The following RAD54L2 variants were observed in gnomAD, a reference collection of about 807,000 sequenced individuals.
RAD54L2 encodes helicase ARIP4.
RAD54L2 carries 27 observed loss-of-function variants against 138.4 expected under a neutral mutation model. That is an observed-to-expected ratio of 0.20 (90% confidence interval 0.14 to 0.27). RAD54L2 has a LOEUF of 0.27. Among genes scored for constraint, RAD54L2 ranks in the 10% least tolerant of loss-of-function variants. The pLI, the probability that RAD54L2 is intolerant of heterozygous loss-of-function variation, is 1.00. For missense variants in RAD54L2, 1,396 were observed against 1,890.2 expected (o/e 0.74, Z 4.85); for synonymous variants, 644 against 723.2 (o/e 0.89, Z 1.76).
At chr3:51,608,876 C>T (rs1001289859) in intron 3 of RAD54L2, among the ~76,000 whole-genome samples, 3 of 152,020 alleles carry the variant, frequency 2.0e-5, no homozygotes, top group African/African-American at 4.8e-5. Context: ...GAGGGAGGGG[C>T]AGGGGGAGGG....
chr3:51,639,798 G>C (rs1041389071), intron 13 of RAD54L2, 83 bp from the exon 14 acceptor site: 3 of 1,486,372 alleles, frequency 2.0e-6, no homozygotes, highest in Admixed American at 2.0e-5. Context: ...TGGCCAGTGA[G>C]CTGCTGCCTT....
chr3:51,579,162 T>A (rs1436033979), intron 2 of RAD54L2, among the ~76,000 whole-genome samples: 4 of 134,404 alleles, frequency 3.0e-5, no homozygotes, highest in Non-Finnish European at 6.4e-5. Context: ...GAGCCTGGGC[T>A]TTTTTTTTTT....
intron 19 of RAD54L2, among the ~76,000 whole-genome samples, chr3:51,649,203 A>G (rs560054028): frequency 6.6e-6 from 1 of 152,164 alleles, no homozygotes; most frequent in South Asian, 2.1e-4. Flanking sequence ...AAAGTGTATC[A>G]GTGATTGAAG....
intron 2 of RAD54L2, among the ~76,000 whole-genome samples, chr3:51,547,954 C>A (rs1015745825): frequency 2.6e-5 from 4 of 151,982 alleles, no homozygotes; most frequent in African/African-American, 9.7e-5. Flanking sequence ...TGCAGTGGTA[C>A]GATCTCGGCT....
chr3:51,603,733 C>G (rs1389635328), intron 3 of RAD54L2, among the ~76,000 whole-genome samples: 1 of 152,050 alleles, frequency 6.6e-6, no homozygotes, highest in African/African-American at 2.4e-5. Context: ...CTCTGTTGCC[C>G]AGGCTAGTCT....
chr3:51,550,134 C>T (rs1698800883), intron 2 of RAD54L2, among the ~76,000 whole-genome samples: 1 of 152,144 alleles, frequency 6.6e-6, no homozygotes, highest in Non-Finnish European at 1.5e-5. Flanking sequence ...TGGTAGTTCC[C>T]ACTGCCTCAC....
At chr3:51,648,848 A>G (rs1295138019) in intron 19 of RAD54L2, among the ~76,000 whole-genome samples, 1 of 152,192 alleles carries the variant, frequency 6.6e-6, no homozygotes, top group African/African-American at 2.4e-5. Context: ...ATGGGGAGAA[A>G]CCAGAGCAGA....
At chr3:51,650,489 C>T (rs2106834805) in intron 19 of RAD54L2, among the ~76,000 whole-genome samples, 1 of 152,332 alleles carries the variant, frequency 6.6e-6, no homozygotes, top group South Asian at 2.1e-4. Flanking sequence ...ACACATTCTT[C>T]TCAGCACCAC....
intron 3 of RAD54L2, among the ~76,000 whole-genome samples, chr3:51,601,013 G>A (rs1276352479): frequency 1.3e-5 from 2 of 152,072 alleles, no homozygotes; most frequent in Admixed American, 1.3e-4. Flanking sequence ...GTATATTGTA[G>A]GACTGGGCAA....
intron 19 of RAD54L2, among the ~76,000 whole-genome samples, chr3:51,652,402 C>A (rs1177250043): frequency 6.6e-6 from 1 of 152,120 alleles, no homozygotes; most frequent in East Asian, 1.9e-4. Context: ...AAGCTACCAA[C>A]GACTTTCTTC....
intron 2 of RAD54L2, among the ~76,000 whole-genome samples, chr3:51,543,074 T>C (rs761744884): frequency 6.6e-6 from 1 of 152,124 alleles, no homozygotes; most frequent in Non-Finnish European, 1.5e-5. Context: ...TTTTCTTTAA[T>C]TGGGGCTACT....
chr3:51,604,972 AG>A (rs1370800162), intron 3 of RAD54L2, among the ~76,000 whole-genome samples: 2 of 151,110 alleles, frequency 1.3e-5, no homozygotes, highest in Non-Finnish European at 3.0e-5. Context: ...CCCAGGCTGG[AG>A]TACAGTGGCG....
chr3:51,559,254 C>T (rs1445820744), intron 2 of RAD54L2, among the ~76,000 whole-genome samples: 1 of 152,186 alleles, frequency 6.6e-6, no homozygotes, highest in African/African-American at 2.4e-5. Flanking sequence ...TTTATCTCCA[C>T]TGATATTCTC....
At chr3:51,599,454 A>G (rs1700034378) in intron 3 of RAD54L2, among the ~76,000 whole-genome samples, 1 of 152,122 alleles carries the variant, frequency 6.6e-6, no homozygotes, top group Non-Finnish European at 1.5e-5. Context: ...ACACATGATC[A>G]TTATCTTGAT....
intron 7 of RAD54L2, among the ~76,000 whole-genome samples, chr3:51,632,458 T>TA (rs920061733): frequency 6.6e-6 from 1 of 152,112 alleles, no homozygotes; most frequent in African/African-American, 2.4e-5. Flanking sequence ...TGCACCCGGC[T>TA]AATTGTTTGT....
At position 51,604,945 on chromosome 3, in the gene RAD54L2, G is replaced by A. The variant is rs551083403; in HGVS notation, c.139+14386G>A. ...TTTCTTTTTTTCTTTTTTTTGAGAT[G>A]GAATCTCACTCTGTTGCCCAGGCTG... On this transcript the variant is annotated intron_variant, in intron 3 of 22. Transcript: ENST00000684192. 1.2e-4 allele frequency among the ~76,000 whole-genome samples: 18 copies of A among 151,796 alleles called. No homozygotes were observed. In the South Asian group the frequency reaches 3.5e-3, roughly 30 times the overall value.
intron 2 of RAD54L2, among the ~76,000 whole-genome samples, chr3:51,577,720 A>C (rs1333636413): frequency 6.6e-6 from 1 of 151,814 alleles, no homozygotes; most frequent in Non-Finnish European, 1.5e-5. Flanking sequence ...CCATCCCTTT[A>C]TTTTGAGCCT....
chr3:51,630,182 T>C, intron 5 of RAD54L2, 90 bp from the exon 6 acceptor site: 1 of 997,124 alleles, frequency 1.0e-6, no homozygotes, highest in Non-Finnish European at 1.6e-6. Context: ...ATGAGAGCTA[T>C]AAAAGAAAAG....
chr3:51,606,036 C>G (rs1577418960), intron 3 of RAD54L2, among the ~76,000 whole-genome samples: 2 of 152,246 alleles, frequency 1.3e-5, no homozygotes, highest in South Asian at 4.2e-4. Flanking sequence ...AGCAAAGGCC[C>G]AGAGACCTGT....
Sources: gnomAD v4.1 joint callset for allele counts (sites outside exome capture counted in the v4.1 genomes callset) on GRCh38, gnomAD v4.1.1 for gene constraint, MANE v1.5 for transcripts, NCBI Gene and HGNC (gene_info 2026-07-23, HGNC 2026-07-21) for gene names.